The following RREB1 variants were observed in gnomAD, a reference collection of about 807,000 sequenced individuals.
The protein encoded by RREB1 is ras responsive element binding protein 1.
Under a neutral mutation model 117.8 loss-of-function variants are expected in RREB1, and 27 were observed. The ratio of observed to expected loss-of-function variants is 0.23; its 90% CI spans 0.17 to 0.32. RREB1 has a LOEUF of 0.32. Among genes scored for constraint, RREB1 ranks in the 10% least tolerant of loss-of-function variants. The pLI, the probability that RREB1 is intolerant of heterozygous loss-of-function variation, is 1.00. For missense variants in RREB1, 2,577 were observed against 2,378.2 expected (o/e 1.08, Z -1.74); for synonymous variants, 1,298 against 1,026.7 (o/e 1.26, Z -5.05).
At chr6:7,202,535 G>T (rs1766044576) in intron 6 of RREB1, among the ~76,000 whole-genome samples, 1 of 152,154 alleles carries the variant, frequency 6.6e-6, no homozygotes. Flanking sequence ...CCCTCAGAGG[G>T]GACAGCTCTG....
At chr6:7,240,336 G>T in intron 10 of RREB1, 102 bp from the exon 11 acceptor site, 2 of 823,340 alleles carry the variant, frequency 2.4e-6, no homozygotes, top group South Asian at 2.4e-5. Context: ...ATGGAGGAGG[G>T]GGGAACAACT....
intron 1 of RREB1, among the ~76,000 whole-genome samples, chr6:7,168,529 C>T (rs933974752): frequency 6.6e-5 from 10 of 152,128 alleles, no homozygotes; most frequent in Admixed American, 4.6e-4. Context: ...CTGGGGACAG[C>T]GAGCTCATTA....
chr6:7,132,403 C>T (rs760389684), intron 1 of RREB1, among the ~76,000 whole-genome samples: 3 of 152,044 alleles, frequency 2.0e-5, no homozygotes, highest in Non-Finnish European at 2.9e-5. Flanking sequence ...GGGCCTCAAG[C>T]GATCCATCTA....
At chr6:7,238,229 A>C (rs895078821) in intron 10 of RREB1, among the ~76,000 whole-genome samples, 1 of 152,204 alleles carries the variant, frequency 6.6e-6, no homozygotes, top group Non-Finnish European at 1.5e-5. Flanking sequence ...AAAAACAATA[A>C]GTAATTTTTT....
intron 1 of RREB1, among the ~76,000 whole-genome samples, chr6:7,165,729 GTGTGCGCATCTCCTCTTAGT>G (rs1763898560): frequency 6.6e-6 from 1 of 152,226 alleles, no homozygotes; most frequent in Non-Finnish European, 1.5e-5. Flanking sequence ...CTTCTCTGAA[GTGTGCGCATCTCCTCTTAGT>G]TGTGCTTCTG....
At chr6:7,184,973 A>ATC (rs1455704999) in intron 4 of RREB1, 12 of 152,178 alleles carry the variant, frequency 7.9e-5, no homozygotes, top group Non-Finnish European at 1.8e-4. Flanking sequence ...GCTGTGAGAC[A>ATC]TCCCTCCTTG....
rs894735058 is a variant in RREB1 at position 7,171,947 on chromosome 6, C to CT, written c.-284-4693dup. On this transcript the variant is annotated intron_variant, in intron 1 of 12. Coordinates refer to ENST00000379938, the MANE Select transcript of RREB1 (RefSeq NM_001003699.4). ...CAGGTTAAAGAGCCTGACCATTAGT[C>CT]TTTTTTTTTTTTTTTGGAGATAAAG... Among the ~76,000 whole-genome samples the CT allele has an allele frequency of 6.7e-3, 928 of 139,332 alleles. 2 individuals carry two copies. The highest frequency in any genetic ancestry group is 0.018 in the Middle Eastern group (5 of 272). 91.4% of individuals were successfully genotyped at this position (139,332 alleles called of 152,430 possible). A position where few individuals can be genotyped will look rare whatever the true frequency, so the allele number is the denominator to read the frequency against.
At chr6:7,167,730 G>A (rs1764020517) in intron 1 of RREB1, among the ~76,000 whole-genome samples, 1 of 152,218 alleles carries the variant, frequency 6.6e-6, no homozygotes, top group Non-Finnish European at 1.5e-5. Flanking sequence ...GAGGAGTTAG[G>A]AGAATCATCC....
At chr6:7,233,781 G>C (rs1264550741) in intron 10 of RREB1, among the ~76,000 whole-genome samples, 1 of 152,180 alleles carries the variant, frequency 6.6e-6, no homozygotes, top group Non-Finnish European at 1.5e-5. Flanking sequence ...CTTTGGAGAA[G>C]CTCGTGGAAG....
rs958189901 is a variant in RREB1, at chr6:7,247,173, C to A, written c.4723C>A (p.Arg1575=). The change falls in exon 12 of 13, where the codon CGG becomes AGG. Residue 1575 remains arginine, a synonymous_variant. Transcript: ENST00000379938. ...GAAGGTCTGCAGCGTGTGCAACAAG[C>A]GGTTCTGGTCGCTGCAGGACCTGAC... The part of the protein sequence containing the change: ...RKKVCSVCNK[R]FWSLQDLTRH... The A allele has an allele frequency of 1.2e-6, 2 of 1,613,836 alleles. No individual in the cohort carries two copies. Among genetic ancestry groups the A allele is most frequent in the Middle Eastern group, 1.6e-4 (1 of 6,062 alleles).
intron 6 of RREB1, among the ~76,000 whole-genome samples, chr6:7,208,668 C>T (rs557172237): frequency 7.9e-5 from 12 of 152,182 alleles, no homozygotes; most frequent in Admixed American, 1.3e-4. Context: ...CAAGGGCAGC[C>T]CTGGTTTTCC....
intron 1 of RREB1, among the ~76,000 whole-genome samples, chr6:7,171,665 G>C (rs1266594092): frequency 6.6e-6 from 1 of 152,164 alleles, no homozygotes; most frequent in African/African-American, 2.4e-5. Context: ...GGCACATGGT[G>C]CTCAAAAATG....
chr6:7,237,762 C>T (rs1197220174), intron 10 of RREB1, among the ~76,000 whole-genome samples: 1 of 152,206 alleles, frequency 6.6e-6, no homozygotes, highest in African/African-American at 2.4e-5. Flanking sequence ...TCCTGCATCC[C>T]TGCAATCCAG....
At chr6:7,168,811 G>A (rs1764078025) in intron 1 of RREB1, among the ~76,000 whole-genome samples, 1 of 152,180 alleles carries the variant, frequency 6.6e-6, no homozygotes. Flanking sequence ...GACCCTTCTT[G>A]TGCTACAGTG....
intron 1 of RREB1, among the ~76,000 whole-genome samples, chr6:7,155,794 A>T (rs1247551564): frequency 6.6e-6 from 1 of 152,170 alleles, no homozygotes; most frequent in Non-Finnish European, 1.5e-5. Flanking sequence ...AAATTTTTTA[A>T]TTATTAACTG....
At chr6:7,206,881 C>T (rs772960194) in intron 6 of RREB1, among the ~76,000 whole-genome samples, 1 of 152,170 alleles carries the variant, frequency 6.6e-6, no homozygotes, top group Non-Finnish European at 1.5e-5. Flanking sequence ...CCCACAGGGG[C>T]TAGTCTGTCT....
intron 8 of RREB1, chr6:7,213,757 C>T (rs995534325): frequency 1.3e-5 from 2 of 152,278 alleles, no homozygotes; most frequent in African/African-American, 4.8e-5. Flanking sequence ...ACGTTCCTAC[C>T]CAGCAGCCTT....
intron 6 of RREB1, among the ~76,000 whole-genome samples, chr6:7,209,669 G>A (rs1461507141): frequency 1.3e-5 from 2 of 149,644 alleles, no homozygotes; most frequent in Non-Finnish European, 3.0e-5. Context: ...GACCTCTTGA[G>A]AGCCAATACC....
intron 11 of RREB1, among the ~76,000 whole-genome samples, chr6:7,244,896 C>G (rs1768914385): frequency 6.6e-6 from 1 of 152,186 alleles, no homozygotes; most frequent in Non-Finnish European, 1.5e-5. Flanking sequence ...AAGCATGTGA[C>G]ATTGAGGAGG....
Sources: gnomAD v4.1 joint callset for allele counts (sites outside exome capture counted in the v4.1 genomes callset) on GRCh38, gnomAD v4.1.1 for gene constraint, MANE v1.5 for transcripts, NCBI Gene and HGNC (gene_info 2026-07-23, HGNC 2026-07-21) for gene names.